The following WDR3 variants were observed in gnomAD, a reference collection of about 807,000 sequenced individuals.
WDR3 encodes WD repeat domain 3.
Under a neutral mutation model 123.7 loss-of-function variants are expected in WDR3, and 81 were observed. The observed-to-expected ratio is 0.65, with a 90% CI of 0.55 to 0.79. WDR3 has a LOEUF of 0.79. WDR3 is among the 30% of genes least tolerant of loss of function. WDR3 has a pLI of 0.00. For missense variants in WDR3, 1,027 were observed against 1,123.2 expected, an observed-to-expected ratio of 0.91 and a Z score of 1.22; for synonymous variants, 390 against 388.8, an observed-to-expected ratio of 1.00 and a Z score of -0.04.
rs758670022 is a variant in WDR3 at position 117,962,220 on chromosome 1, T to C, written c.*2773T>C. 5.9e-5 allele frequency: 9 copies of C among 152,184 alleles called. No homozygotes were observed. Among genetic ancestry groups the C allele is most frequent in the Non-Finnish European group, 1.3e-4 (9 of 68,024 alleles). 9.4% of individuals were successfully genotyped at this position (152,184 alleles called of 1,614,324 possible). A position where few individuals can be genotyped will look rare whatever the true frequency, so the allele number is the denominator to read the frequency against. ...AGAACTTTTATGATAAAGTGACATG[T>C]ACAGAACCTAGCCAAGTTACAATTT... On this transcript the variant is annotated 3_prime_UTR_variant, in exon 27 of 27. Transcript: ENST00000349139.
chr1:117,949,752 G>A lies in WDR3; in HGVS notation c.1526G>A (p.Arg509His), dbSNP rs202047497. Residue 509 changes from arginine to histidine, a missense_variant and splice_region_variant, in exon 14 of 27, where the codon CGT (arginine) becomes CAT (histidine). Transcript: ENST00000349139. ...LWSMSLSPDQRGFVTGGADKS... is the reference protein window; with the variant it reads ...LWSMSLSPDQHGFVTGGADKS... ...ATTGAAATTTCATTTGATTTTCAGC[G>A]TGGCTTTGTGACAGGTGGTGCAGAT... The A allele has an allele frequency of 5.1e-5, 82 of 1,612,458 alleles. No individual in the cohort carries two copies. The highest frequency in any genetic ancestry group is 9.3e-5 in the African/African-American group (7 of 74,906).
intron 16 of WDR3, among the ~76,000 whole-genome samples, chr1:117,951,098 CTCAA>C (rs1207488614): frequency 6.6e-6 from 1 of 151,948 alleles, no homozygotes; most frequent in African/African-American, 2.4e-5. Context: ...CAAATATCAT[CTCAA>C]TCAATCCTTA....
chr1:117,955,375 G>A lies in WDR3; in HGVS notation c.2453+17G>A, dbSNP rs374051519. The A allele has an allele frequency of 1.7e-4, 274 of 1,609,380 alleles. 2 individuals are homozygous for A. The highest frequency in any genetic ancestry group is 2.8e-4 in the South Asian group (25 of 90,430). On this transcript the variant is annotated intron_variant, in intron 24 of 26. Coordinates refer to ENST00000349139, the MANE Select transcript of WDR3 (RefSeq NM_006784.3). ...CAAGTCGAGGTGAGTGAGTCCTTGC[G>A]CACAATTTTTGTAATCTGTCAGCAA...
chr1:117,963,654 G>A lies in WDR3; in HGVS notation c.*4207G>A, dbSNP rs1029205247. On this transcript the variant is annotated 3_prime_UTR_variant, in exon 27 of 27. Transcript: ENST00000349139. ...GCTGGGATTACAGGTGTGAGCCACC[G>A]GGCCCGGCCTAAACAAATATTTTCA... 1.4e-5 allele frequency: 10 copies of A among 692,974 alleles called. No individual in the cohort carries two copies. The East Asian group carries it at 2.4e-4, about 16-fold the overall frequency. The allele number at this position is 692,974 out of a possible 1,614,324, so 42.9% of individuals were successfully genotyped here. A position where few individuals can be genotyped will look rare whatever the true frequency, so the allele number is the denominator to read the frequency against.
chr1:117,942,889 GTTTT>G (rs751258995), intron 10 of WDR3, among the ~76,000 whole-genome samples: 4 of 116,756 alleles, frequency 3.4e-5, no homozygotes, highest in Non-Finnish European at 3.6e-5. Flanking sequence ...TCTGAGCCTA[GTTTT>G]TTTTTTTTTT....
Position 117,963,818 on chromosome 1 carries a change from C to CTT in WDR3, c.*4371_*4372insTT. The stretch of plus-strand genomic sequence containing the variant: ...CTGTACCTAATGTGGAGAAACTTTA[C>CTT]GAGACATGAAGACTCCAAGTGTGGA... On this transcript the variant is annotated 3_prime_UTR_variant, in exon 27 of 27. Coordinates refer to ENST00000349139, the MANE Select transcript of WDR3 (RefSeq NM_006784.3). 6.2e-7 allele frequency: 1 copy of CTT among 1,612,306 alleles called. No individual in the cohort carries two copies. Among genetic ancestry groups the CTT allele is most frequent in the Non-Finnish European group, 8.5e-7 (1 of 1,179,116 alleles).
In WDR3 at chr1:117,954,565, A is replaced by G; in HGVS notation, c.2362-15A>G. 8 of 1,611,804 alleles carry G rather than the reference A, an allele frequency of 5.0e-6. No individual in the cohort carries two copies. The highest frequency in any genetic ancestry group is 5.9e-6 in the Non-Finnish European group (7 of 1,178,710). ...TCAGTTTTTTTAATGACTTGATTTA[A>G]TAATTTCTTCATAGGTTCCACTTCC... is the stretch of plus-strand genomic sequence containing the variant. On this transcript the variant is annotated splice_polypyrimidine_tract_variant and intron_variant, in intron 22 of 26. Transcript: ENST00000349139.
chr1:117,960,329 T>G lies in WDR3; in HGVS notation c.*882T>G, dbSNP rs1179382489. The G allele has an allele frequency of 6.6e-6, 1 of 152,158 alleles. No individual in the cohort carries two copies. The highest frequency in any genetic ancestry group is 1.5e-5 in the Non-Finnish European group (1 of 68,036). The allele number at this position is 152,158 out of a possible 1,614,324, so 9.4% of individuals were successfully genotyped here. On this transcript the variant is annotated 3_prime_UTR_variant, in exon 27 of 27. Transcript: ENST00000349139. ...GGGAGCCTGACTGATGTATTATATA[T>G]ATTGTATACTGTATTCTTAAAGTAA...
chr1:117,958,198 G>A (rs1652500866), intron 25 of WDR3, among the ~76,000 whole-genome samples: 1 of 152,136 alleles, frequency 6.6e-6, no homozygotes, highest in African/African-American at 2.4e-5. Flanking sequence ...TGGTGAATTG[G>A]CCTGGTTTTA....
intron 2 of WDR3, chr1:117,933,827 T>G: frequency 3.3e-6 from 1 of 301,324 alleles, no homozygotes; most frequent in Non-Finnish European, 6.5e-6. Flanking sequence ...TTATAGCTGG[T>G]TATAAAATAT....
In WDR3 at chr1:117,949,779, A is replaced by G; in HGVS notation, c.1553A>G (p.Lys518Arg). 1 of 1,613,930 alleles carries G rather than the reference A, an allele frequency of 6.2e-7. No individual in the cohort carries two copies. Among genetic ancestry groups the G allele is most frequent in the Non-Finnish European group, 8.5e-7 (1 of 1,179,872 alleles). Residue 518 changes from lysine to arginine, a missense_variant, in exon 14 of 27, where the codon AAA becomes AGA. Physicochemically the swap from Lys to Arg is conservative, Grantham distance 26. Transcript: ENST00000349139. ...QRGFVTGGAD[K>R]SVKFWDFELV... is the part of the protein sequence containing the mutation. ...GGCTTTGTGACAGGTGGTGCAGATA[A>G]ATCTGTCAAATTCTGGGATTTTGAG...
At position 117,962,602 on chromosome 1, in the gene WDR3, T is replaced by G. The variant is rs1269014554; in HGVS notation, c.*3155T>G. On this transcript the variant is annotated 3_prime_UTR_variant, in exon 27 of 27. Transcript: ENST00000349139. ...ATTGGGAGTAAAACATTTAGGCTTA[T>G]TTTTAAAAATGTATATATCCATCCA... is the stretch of plus-strand genomic sequence containing the variant. 1 of 152,024 alleles carries G rather than the reference T, an allele frequency of 6.6e-6. No individual in the cohort carries two copies. The highest frequency in any genetic ancestry group is 2.4e-5 in the African/African-American group (1 of 41,398). 9.4% of individuals were successfully genotyped at this position (152,024 alleles called of 1,614,324 possible).
Position 117,943,608 on chromosome 1 carries a change from C to T in WDR3, c.1310C>T (p.Ser437Phe). The change falls in exon 11 of 27, where the codon TCC becomes TTC. Residue 437 changes from serine (S) to phenylalanine (F), a missense_variant. Ser to Phe is a radical substitution (Grantham distance 155). Coordinates refer to ENST00000349139, the MANE Select transcript of WDR3 (RefSeq NM_006784.3). Reference sequence around the variant, plus strand: ...GCTGTTCTTTCAGCTGCAGCTGATTCCATTAAAATATGGAACAGGTTCGTG... The same window carrying T: ...GCTGTTCTTTCAGCTGCAGCTGATTTCATTAAAATATGGAACAGGTTCGTG... ...NIAVLSAAADSIKIWNRSTLQ... is the reference protein window; with the variant it reads ...NIAVLSAAADFIKIWNRSTLQ... 1 of 1,613,966 alleles carries T rather than the reference C, an allele frequency of 6.2e-7. No homozygotes were observed.
intron 21 of WDR3, 73 bp downstream of exon 21, chr1:117,953,614 A>G (rs369064242): frequency 3.9e-6 from 6 of 1,519,820 alleles, no homozygotes; most frequent in Non-Finnish European, 5.4e-6. Flanking sequence ...TTTATTCTGT[A>G]TCAACCAGAA....
chr1:117,941,138 C>T lies in WDR3; in HGVS notation c.804C>T (p.Cys268=). ...TTCTTCTGTAGCGAATCCTTTCATG[C>T]AGAAAAGCTGGTTCCATAATGCGGG... ...DEAPEDRILS[C]RKAGSIMREG... The change falls in exon 8 of 27, where the codon TGC becomes TGT. Residue 268 remains cysteine, a synonymous_variant. Coordinates refer to ENST00000349139, the MANE Select transcript of WDR3 (RefSeq NM_006784.3). The T allele has an allele frequency of 6.2e-7, 1 of 1,614,084 alleles. No individual in the cohort carries two copies. The highest frequency in any genetic ancestry group is 8.5e-7 in the Non-Finnish European group (1 of 1,180,002).
In WDR3 at chr1:117,949,945, C is replaced by T. The variant is rs778574871; in HGVS notation, c.1611-50C>T. The T allele has an allele frequency of 8.1e-6, 13 of 1,612,262 alleles. No individual in the cohort carries two copies. In the South Asian group the frequency reaches 1.4e-4, roughly 18 times the overall value. ...TGTGCTCTAAAGAGTTAGGATTTGT[C>T]TGAATTTGTATACTCATTTATTTTT... On this transcript the variant is annotated intron_variant, in intron 14 of 26. Transcript: ENST00000349139.
intron 22 of WDR3, among the ~76,000 whole-genome samples, chr1:117,954,309 GT>G (rs1231558048): frequency 6.6e-6 from 1 of 152,036 alleles, no homozygotes; most frequent in Non-Finnish European, 1.5e-5. Flanking sequence ...ACAGATTGAG[GT>G]GATTATTGTC....
intron 17 of WDR3, 59 bp downstream of exon 17, chr1:117,952,135 T>G (rs1651640097): frequency 6.4e-7 from 1 of 1,555,852 alleles, no homozygotes; most frequent in Admixed American, 1.8e-5. Context: ...TCACTTTCCT[T>G]GAGCATCTGT....
chr1:117,942,171 G>A (rs998593292), intron 9 of WDR3, among the ~76,000 whole-genome samples: 6 of 152,172 alleles, frequency 3.9e-5, no homozygotes, highest in East Asian at 1.9e-4. Context: ...CAAGGACCTT[G>A]TTACAAGAAA....
Sources: gnomAD v4.1 joint callset for allele counts (sites outside exome capture counted in the v4.1 genomes callset) on GRCh38, gnomAD v4.1.1 for gene constraint, MANE v1.5 for transcripts, NCBI Gene and HGNC (gene_info 2026-07-23, HGNC 2026-07-21) for gene names.